ADCY5: variants seen among roughly 807,000 people sequenced by gnomAD.
ADCY5 encodes adenylate cyclase 5.
ADCY5 carries 30 observed loss-of-function variants against 119.7 expected under a neutral mutation model. The observed-to-expected ratio is 0.25, with a 90% confidence interval of 0.19 to 0.34. The LOEUF (loss-of-function observed/expected upper bound fraction) is 0.34, where lower values mean the gene tolerates loss of function less well. Among genes scored for constraint, ADCY5 ranks in the 10% least tolerant of loss-of-function variants. The pLI, the probability that ADCY5 is intolerant of heterozygous loss-of-function variation, is 1.00. For missense variants in ADCY5, 1,324 were observed against 1,775.2 expected, an observed-to-expected ratio of 0.75 and a Z score of 4.57; for synonymous variants, 753 against 762.2, an observed-to-expected ratio of 0.99 and a Z score of 0.20.
Position 123,328,804 on chromosome 3 carries a change from T to A in ADCY5, c.1647-2A>T, listed in dbSNP as rs1186457851. The A allele has an allele frequency of 6.2e-7, 1 of 1,613,878 alleles. No individual in the cohort carries two copies. Among genetic ancestry groups the A allele is most frequent in the Non-Finnish European group, 8.5e-7 (1 of 1,179,926 alleles). ...ACCCCTGTCACCTCCCGGACCAACC[T>A]GGGGATGGAGCAGGAGTAAAGCTGG... On this transcript the variant is annotated splice_acceptor_variant, in intron 5 of 20. Transcript: ENST00000462833. LOFTEE classifies it high-confidence loss of function.
At chr3:123,435,856 T>TATTATC (rs1170566441) in intron 1 of ADCY5, among the ~76,000 whole-genome samples, 5 of 110,742 alleles carry the variant, frequency 4.5e-5, no homozygotes, top group Admixed American at 4.2e-4. Flanking sequence ...GCCCTTTTAT[T>TATTATC]ATTATTATTA....
intron 1 of ADCY5, among the ~76,000 whole-genome samples, chr3:123,359,738 C>T (rs975957060): frequency 6.6e-6 from 1 of 152,206 alleles, no homozygotes; most frequent in African/African-American, 2.4e-5. Flanking sequence ...CTCTCTCCCG[C>T]AAAGTGTCCC....
intron 19 of ADCY5, among the ~76,000 whole-genome samples, chr3:123,289,167 G>A (rs62262644): frequency 0.15 from 22,269 of 152,122 alleles, 1,890 homozygotes; most frequent in Middle Eastern, 0.27. Flanking sequence ...TTTTGCTAAC[G>A]ATTTTGCAGA....
At chr3:123,445,114 A>G (rs1484734258) in intron 1 of ADCY5, among the ~76,000 whole-genome samples, 1 of 152,258 alleles carries the variant, frequency 6.6e-6, no homozygotes, top group East Asian at 1.9e-4. Flanking sequence ...ACTCATAACA[A>G]GCTCTGCACC....
At chr3:123,385,173 T>A (rs574981351) in intron 1 of ADCY5, among the ~76,000 whole-genome samples, 1 of 152,168 alleles carries the variant, frequency 6.6e-6, no homozygotes, top group African/African-American at 2.4e-5. Flanking sequence ...GATGGCTCTA[T>A]CTAAGCAAGC....
chr3:123,342,146 C>T (rs941534763), intron 3 of ADCY5, among the ~76,000 whole-genome samples: 1 of 152,184 alleles, frequency 6.6e-6, no homozygotes, highest in African/African-American at 2.4e-5. Flanking sequence ...AGGATGTTCA[C>T]GGCCCCTCCT....
intron 1 of ADCY5, among the ~76,000 whole-genome samples, chr3:123,354,704 A>AGAT (rs1942977228): frequency 6.6e-6 from 1 of 152,196 alleles, no homozygotes. Flanking sequence ...AGGAAGAAGA[A>AGAT]GATGAGGAGC....
intron 13 of ADCY5, among the ~76,000 whole-genome samples, chr3:123,303,500 A>T (rs1314462230): frequency 1.3e-5 from 2 of 152,158 alleles, no homozygotes; most frequent in African/African-American, 4.8e-5. Flanking sequence ...TTGAGAATGA[A>T]GAGCTAAGAA....
At chr3:123,293,188 G>A (rs561377375) in intron 17 of ADCY5, among the ~76,000 whole-genome samples, 1 of 152,362 alleles carries the variant, frequency 6.6e-6, no homozygotes, top group East Asian at 1.9e-4. Context: ...GCTCTCCTGA[G>A]AACTCAGACC....
intron 3 of ADCY5, among the ~76,000 whole-genome samples, chr3:123,335,297 G>A (rs1464136129): frequency 6.6e-6 from 1 of 152,174 alleles, no homozygotes; most frequent in African/African-American, 2.4e-5. Flanking sequence ...TCTGCGTGGT[G>A]TGTCTCCTCC....
intron 20 of ADCY5, among the ~76,000 whole-genome samples, chr3:123,285,938 C>T (rs2108157510): frequency 6.6e-6 from 1 of 152,310 alleles, no homozygotes; most frequent in African/African-American, 2.4e-5. Flanking sequence ...GAAGTCAGGA[C>T]ATTTAAGCAG....
At chr3:123,377,309 CCCT>C (rs529159538) in intron 1 of ADCY5, among the ~76,000 whole-genome samples, 2 of 152,176 alleles carry the variant, frequency 1.3e-5, no homozygotes, top group Non-Finnish European at 2.9e-5. Flanking sequence ...TTATCACTGC[CCCT>C]GGCTCCAGTC....
At chr3:123,377,455 T>G (rs1943875611) in intron 1 of ADCY5, among the ~76,000 whole-genome samples, 1 of 152,178 alleles carries the variant, frequency 6.6e-6, no homozygotes, top group African/African-American at 2.4e-5. Flanking sequence ...CTGAAAAGCT[T>G]CTCTGACCTC....
At position 123,318,076 on chromosome 3, in the gene ADCY5, C is replaced by T. The variant is rs761878371; in HGVS notation, c.2298G>A (p.Ala766=). The T allele has an allele frequency of 2.1e-5, 34 of 1,613,708 alleles. No homozygotes were observed. Among genetic ancestry groups the T allele is most frequent in the South Asian group, 3.3e-5 (3 of 91,068 alleles). ...QVDDRFGAYV[A]CASLVFLFIC... ...TGAAGAGGAAGACGAGCGAGGCACA[C>T]GCCACATAGGCACCAAATCGGTCGT... is the stretch of plus-strand genomic sequence containing the variant. The change falls in exon 11 of 21, where the codon GCG becomes GCA. Residue 766 remains alanine (A), a synonymous_variant. Coordinates refer to ENST00000462833, the MANE Select transcript of ADCY5 (RefSeq NM_183357.3).
At chr3:123,303,893 G>GAAGAGAAGAGAAGAGAAGAGAAGAA (rs746945989) in intron 13 of ADCY5, among the ~76,000 whole-genome samples, 174 bp downstream of exon 13, 2,587 of 117,074 alleles carry the variant, frequency 0.022, 80 homozygotes, top group East Asian at 0.05. Context: ...GAAGAGAAGA[G>GAAGAGAAGAGAAGAGAAGAGAAGAA]AAGAAAGAAC....
chr3:123,332,023 C>T (rs71330988), intron 4 of ADCY5, among the ~76,000 whole-genome samples: 1 of 152,194 alleles, frequency 6.6e-6, no homozygotes, highest in African/African-American at 2.4e-5. Context: ...GAATAGGGGC[C>T]TAAGGAATGA....
chr3:123,377,682 T>C (rs1425992208), intron 1 of ADCY5, among the ~76,000 whole-genome samples: 1 of 152,174 alleles, frequency 6.6e-6, no homozygotes, highest in Non-Finnish European at 1.5e-5. Flanking sequence ...TTTTTCTCTG[T>C]GTGGAGGCAA....
intron 1 of ADCY5, among the ~76,000 whole-genome samples, chr3:123,387,156 C>T (rs915647288): frequency 1.3e-5 from 2 of 152,206 alleles, no homozygotes; most frequent in Non-Finnish European, 2.9e-5. Context: ...GATGTAGATA[C>T]ACACAGACAC....
Position 123,316,984 on chromosome 3 carries a change from AT to A in ADCY5, c.2354+1035del, listed in dbSNP as rs1940942845. Among the ~76,000 whole-genome samples, 3 of 152,302 alleles carry A rather than the reference AT, an allele frequency of 2.0e-5. No individual in the cohort carries two copies. In the South Asian group the frequency reaches 6.2e-4, roughly 32 times the overall value. ...ACTTACTTTTCTGTGCATTTGAGGA[AT>A]TACATAATAAAAAGTAAAAATATGT... On this transcript the variant is annotated intron_variant, in intron 11 of 20. Coordinates refer to ENST00000462833, the MANE Select transcript of ADCY5 (RefSeq NM_183357.3).
Sources: gnomAD v4.1 joint callset for allele counts (sites outside exome capture counted in the v4.1 genomes callset) on GRCh38, gnomAD v4.1.1 for gene constraint, MANE v1.5 for transcripts, NCBI Gene and HGNC (gene_info 2026-07-23, HGNC 2026-07-21) for gene names.